GRID2: variants seen among roughly 807,000 people sequenced by gnomAD.
GRID2 encodes the protein glutamate receptor ionotropic, delta-2.
GRID2 carries 33 observed loss-of-function variants against 114.8 expected under a neutral mutation model. That is an observed-to-expected ratio of 0.29 (90% CI 0.22 to 0.38). GRID2 has a LOEUF of 0.38. Ranked by LOEUF, GRID2 falls within the 10% of genes least tolerant of loss-of-function variation. The pLI is 1.00. For missense variants in GRID2, 1,184 were observed against 1,257.7 expected (o/e 0.94, Z 0.89); for synonymous variants, 505 against 449.9 (o/e 1.12, Z -1.55).
intron 2 of GRID2, among the ~76,000 whole-genome samples, chr4:93,022,350 C>T (rs1008263615): frequency 1.3e-5 from 2 of 151,836 alleles, no homozygotes; most frequent in Non-Finnish European, 2.9e-5. Context: ...TTAATACCAA[C>T]TCAAACAGAT....
At chr4:92,534,524 C>T (rs1210029682) in intron 1 of GRID2, among the ~76,000 whole-genome samples, 1 of 152,130 alleles carries the variant, frequency 6.6e-6, no homozygotes, top group African/African-American at 2.4e-5. Flanking sequence ...AAGTCATCTA[C>T]TTCTTATGTG....
At chr4:92,575,226 C>A (rs1727825712) in intron 1 of GRID2, among the ~76,000 whole-genome samples, 6 of 152,180 alleles carry the variant, frequency 3.9e-5, no homozygotes, top group Admixed American at 3.9e-4. Flanking sequence ...GTTTTACCAT[C>A]ATGCTTAGGT....
chr4:92,660,337 G>A (rs1489435380), intron 2 of GRID2, among the ~76,000 whole-genome samples: 1 of 151,272 alleles, frequency 6.6e-6, no homozygotes, highest in African/African-American at 2.4e-5. Flanking sequence ...TTACTTATGA[G>A]TCTTTTAGCT....
At chr4:93,576,526 A>G (rs917561331) in intron 13 of GRID2, among the ~76,000 whole-genome samples, 8 of 152,320 alleles carry the variant, frequency 5.3e-5, no homozygotes, top group Non-Finnish European at 1.2e-4. Context: ...TTTTAACAAT[A>G]ACTTCATAGA....
chr4:93,289,767 G>A (rs1198030387), intron 8 of GRID2, among the ~76,000 whole-genome samples: 1 of 152,058 alleles, frequency 6.6e-6, no homozygotes, highest in Non-Finnish European at 1.5e-5. Context: ...GTGTTGGTAT[G>A]TCCGCTTCTT....
chr4:92,967,838 T>C, intron 2 of GRID2, among the ~76,000 whole-genome samples: 1 of 151,898 alleles, frequency 6.6e-6, no homozygotes, highest in South Asian at 2.1e-4. Flanking sequence ...TGAGCAGCAA[T>C]AATTCTCCTT....
intron 2 of GRID2, among the ~76,000 whole-genome samples, chr4:92,682,253 T>C (rs1272620210): frequency 6.6e-6 from 1 of 152,124 alleles, no homozygotes; most frequent in Non-Finnish European, 1.5e-5. Flanking sequence ...TAAGACACCT[T>C]TCTTATTAAT....
chr4:93,147,485 A>C (rs1205471568), intron 4 of GRID2, among the ~76,000 whole-genome samples: 2 of 152,158 alleles, frequency 1.3e-5, no homozygotes, highest in African/African-American at 4.8e-5. Context: ...TTTGAAATTT[A>C]ATACTCATGG....
chr4:92,891,750 A>G (rs1462622381), intron 2 of GRID2, among the ~76,000 whole-genome samples: 2 of 152,192 alleles, frequency 1.3e-5, no homozygotes, highest in African/African-American at 4.8e-5. Flanking sequence ...CATCGGCATC[A>G]TAAGAGTCAT....
At chr4:92,728,442 C>G (rs191671040) in intron 2 of GRID2, among the ~76,000 whole-genome samples, 4 of 152,022 alleles carry the variant, frequency 2.6e-5, no homozygotes, top group Non-Finnish European at 2.9e-5. Context: ...CTTGTAAGCT[C>G]GCTCAAGTGA....
chr4:93,378,280 G>T (rs950918965), intron 8 of GRID2, among the ~76,000 whole-genome samples: 12 of 152,068 alleles, frequency 7.9e-5, no homozygotes, highest in African/African-American at 2.9e-4. Context: ...TCCCCAAAAT[G>T]GTTTCCACAT....
At chr4:92,919,985 AGTCTCTTT>A (rs1480090551) in intron 2 of GRID2, among the ~76,000 whole-genome samples, 2 of 152,048 alleles carry the variant, frequency 1.3e-5, no homozygotes, top group African/African-American at 4.8e-5. Flanking sequence ...TGGGAGTGTA[AGTCTCTTT>A]GTAGGTCCAA....
intron 1 of GRID2, among the ~76,000 whole-genome samples, chr4:92,365,403 C>T (rs1443245495): frequency 6.6e-6 from 1 of 151,766 alleles, no homozygotes; most frequent in Admixed American, 6.6e-5. Flanking sequence ...ACCATATGAT[C>T]TCATTTATGT....
intron 9 of GRID2, among the ~76,000 whole-genome samples, chr4:93,405,950 C>T (rs1301455176): frequency 6.6e-6 from 1 of 152,136 alleles, no homozygotes; most frequent in Non-Finnish European, 1.5e-5. Flanking sequence ...TTACAGATAA[C>T]ATTACCATCT....
intron 13 of GRID2, among the ~76,000 whole-genome samples, chr4:93,555,457 G>A (rs1422400753): frequency 5.9e-5 from 9 of 152,152 alleles, no homozygotes; most frequent in Admixed American, 5.9e-4. Context: ...GCTTGAGTAG[G>A]GGGTTTTCCC....
intron 2 of GRID2, among the ~76,000 whole-genome samples, chr4:92,727,300 CT>C (rs1736115034): frequency 1.3e-5 from 2 of 151,894 alleles, no homozygotes; most frequent in Admixed American, 1.3e-4. Flanking sequence ...CAGAATAAAT[CT>C]CAATATAAAT....
chr4:92,388,376 C>G (rs1009309709), intron 1 of GRID2, among the ~76,000 whole-genome samples: 8 of 152,074 alleles, frequency 5.3e-5, no homozygotes, highest in African/African-American at 1.9e-4. Context: ...ACCACGGTTA[C>G]AATAGTATCC....
At chr4:93,354,916 G>T (rs1231909498) in intron 8 of GRID2, among the ~76,000 whole-genome samples, 2 of 146,674 alleles carry the variant, frequency 1.4e-5, no homozygotes, top group Admixed American at 7.0e-5. Context: ...AGATATTTTT[G>T]CCTGGTTGCC....
chr4:92,659,109 C>T (rs1732399026), intron 2 of GRID2, among the ~76,000 whole-genome samples: 1 of 133,580 alleles, frequency 7.5e-6, no homozygotes, highest in African/African-American at 2.7e-5. Context: ...TTATAAGGAA[C>T]ACAGAGTGCA....
Sources: gnomAD v4.1 joint callset for allele counts (sites outside exome capture counted in the v4.1 genomes callset) on GRCh38, gnomAD v4.1.1 for gene constraint, MANE v1.5 for transcripts, NCBI Gene and HGNC (gene_info 2026-07-23, HGNC 2026-07-21) for gene names.